SUN3: variants seen among roughly 807,000 people sequenced by gnomAD.
SUN3 encodes Sad1 and UNC84 domain containing 3, also known as SUN domain-containing protein 3.
SUN3 carries 36 observed loss-of-function variants against 48.2 expected under a neutral mutation model. The ratio of observed to expected loss-of-function variants is 0.75; its 90% CI spans 0.57 to 0.99. The LOEUF (loss-of-function observed/expected upper bound fraction) is 0.99, where lower values mean the gene tolerates loss of function less well. Among genes scored for constraint, SUN3 ranks in the 50% least tolerant of loss-of-function variants. The probability of loss-of-function intolerance (pLI) is 0.00; values close to 1 mark genes in which losing one functional copy is unlikely to be tolerated. For missense variants in SUN3, 419 were observed against 433.1 expected (o/e 0.97, Z 0.29); for synonymous variants, 148 against 147.9 (o/e 1.00, Z 0.00).
intron 6 of SUN3, among the ~76,000 whole-genome samples, chr7:48,003,165 TGAATAG>T (rs550407400): frequency 1.1e-3 from 164 of 152,344 alleles, no homozygotes; most frequent in Non-Finnish European, 1.9e-3. Context: ...CACCATTTAT[TGAATAG>T]GAATACTTTC....
At chr7:48,019,054 G>A (rs558476936) in intron 2 of SUN3, among the ~76,000 whole-genome samples, 29 of 152,246 alleles carry the variant, frequency 1.9e-4, no homozygotes, top group African/African-American at 6.7e-4. Context: ...CTTACTAGAA[G>A]GGCTCAACAG....
intron 8 of SUN3, among the ~76,000 whole-genome samples, chr7:47,992,402 A>G (rs542862896): frequency 1.3e-5 from 2 of 152,324 alleles, no homozygotes; most frequent in Admixed American, 6.5e-5. Context: ...AGAAAAAAAT[A>G]TAGGCTCTAA....
chr7:48,035,726 G>A, the SUN3 span: 5 of 587,180 alleles, frequency 8.5e-6, no homozygotes, highest in Non-Finnish European at 3.0e-6. The surrounding 1 kb of genome is among the most constrained non-coding windows in gnomAD (Gnocchi z 4.0). Flanking sequence ...GTGCGCGCCG[G>A]GGCTGGAGGG....
At chr7:48,010,088 GAC>G (rs919574646) in intron 3 of SUN3, among the ~76,000 whole-genome samples, 3 of 151,644 alleles carry the variant, frequency 2.0e-5, no homozygotes, top group African/African-American at 4.9e-5. Context: ...CCCAGCATGA[GAC>G]ACACACACAC....
intron 3 of SUN3, among the ~76,000 whole-genome samples, chr7:48,013,058 A>G (rs955181585): frequency 6.6e-6 from 1 of 152,212 alleles, no homozygotes; most frequent in Admixed American, 6.5e-5. Context: ...AGCAGCATAA[A>G]TGGATTAAGA....
At chr7:47,996,736 A>C (rs1483315626) in intron 6 of SUN3, among the ~76,000 whole-genome samples, 1 of 151,994 alleles carries the variant, frequency 6.6e-6, no homozygotes, top group Non-Finnish European at 1.5e-5. Context: ...TTTGCATAAC[A>C]CACCACAACA....
At chr7:48,013,609 G>A (rs1789736971) in intron 3 of SUN3, among the ~76,000 whole-genome samples, 1 of 152,116 alleles carries the variant, frequency 6.6e-6, no homozygotes, top group Non-Finnish European at 1.5e-5. Flanking sequence ...CAATCCAATT[G>A]TTTAGAAATA....
Position 48,006,039 on chromosome 7 carries a change from C to T in SUN3, c.507G>A (p.Leu169=), listed in dbSNP as rs778429091. 2 of 1,606,698 alleles carry T rather than the reference C, an allele frequency of 1.2e-6. No individual in the cohort carries two copies. Among genetic ancestry groups the T allele is most frequent in the South Asian group, 2.2e-5 (2 of 90,036 alleles). ...DPDHTEEVSN[L]VNYVLKKLRE... ...TCAACTTTTTAAGTACATAATTGAC[C>T]AAGTTTGACACTTCCTGTAGAAATT... is the stretch of plus-strand genomic sequence containing the variant. Residue 169 remains leucine (L), a synonymous_variant, in exon 6 of 10, where the codon TTG becomes TTA. Transcript: ENST00000297325.
At position 48,028,969 on chromosome 7, in the gene SUN3, G is replaced by A; in HGVS notation, c.-31C>T. On this transcript the variant is annotated 5_prime_UTR_variant, in exon 1 of 10. Transcript: ENST00000297325. ...CCTACCAAAGAACAAACAGCTGGTAGGATGAAGAGCAACATTTGTCCTCAT... is the reference window on the plus strand; with the variant it reads ...CCTACCAAAGAACAAACAGCTGGTAAGATGAAGAGCAACATTTGTCCTCAT... The A allele has an allele frequency of 6.2e-7, 1 of 1,613,130 alleles. No individual in the cohort carries two copies. The highest frequency in any genetic ancestry group is 8.5e-7 in the Non-Finnish European group (1 of 1,179,560).
At chr7:47,988,613 C>CT (rs1222439429) in intron 9 of SUN3, among the ~76,000 whole-genome samples, 175 bp downstream of exon 9, 2 of 152,198 alleles carry the variant, frequency 1.3e-5, no homozygotes, top group Non-Finnish European at 2.9e-5. Flanking sequence ...ATTTGTCTGT[C>CT]TTTTGCATTA....
At chr7:48,029,900 C>T (rs984342874), upstream of SUN3, among the ~76,000 whole-genome samples, 4 of 151,990 alleles carry the variant, frequency 2.6e-5, no homozygotes, top group African/African-American at 4.8e-5. Flanking sequence ...GGCAATTTCT[C>T]GCGTAGTTTT....
At position 48,004,650 on chromosome 7, in the gene SUN3, C is replaced by G. The variant is rs147228844; in HGVS notation, c.577+1319G>C. 2.0e-5 allele frequency among the ~76,000 whole-genome samples: 3 copies of G among 152,388 alleles called. No homozygotes were observed. The East Asian group carries it at 5.8e-4, about 29-fold the overall frequency. The stretch of plus-strand genomic sequence containing the variant: ...CTTCCAGGCTTTCTGCCCACACTCT[C>G]TGGCCCACAGGACTACTTTATTCTG... On this transcript the variant is annotated intron_variant, in intron 6 of 9. Coordinates refer to ENST00000297325, the MANE Select transcript of SUN3 (RefSeq NM_001030019.2).
intron 8 of SUN3, among the ~76,000 whole-genome samples, chr7:47,991,478 G>C (rs1789056831): frequency 6.6e-6 from 1 of 152,124 alleles, no homozygotes; most frequent in Non-Finnish European, 1.5e-5. Flanking sequence ...GGAATGTAGA[G>C]GCATTTGGGT....
At chr7:47,996,277 G>A in intron 6 of SUN3, 131 bp from the exon 7 acceptor site, 1 of 535,526 alleles carries the variant, frequency 1.9e-6, no homozygotes, top group Non-Finnish European at 3.3e-6. Context: ...TTCATACTCA[G>A]GAATTGATAG....
upstream of SUN3, among the ~76,000 whole-genome samples, chr7:48,031,268 G>A (rs977350201): frequency 1.3e-5 from 2 of 152,218 alleles, no homozygotes; most frequent in African/African-American, 4.8e-5. Context: ...ATTGCCAACA[G>A]GCATGTGAAA....
rs759875768 is a variant in SUN3, at chr7:48,028,942, C to T, written c.-4G>A. 6.2e-7 allele frequency: 1 copy of T among 1,613,776 alleles called. No individual in the cohort carries two copies. Among genetic ancestry groups the T allele is most frequent in the East Asian group, 2.2e-5 (1 of 44,880 alleles). On this transcript the variant is annotated 5_prime_UTR_variant, in exon 1 of 10. Coordinates refer to ENST00000297325, the MANE Select transcript of SUN3 (RefSeq NM_001030019.2). ...TTGCCTTTGTTTTTCCACTCATGAT[C>T]CCCTACCAAAGAACAAACAGCTGGT...
chr7:47,998,372 T>C (rs1160196466), intron 6 of SUN3, among the ~76,000 whole-genome samples: 1 of 152,244 alleles, frequency 6.6e-6, no homozygotes, highest in African/African-American at 2.4e-5. Context: ...TCTTCTTTAA[T>C]GAAGTGTCTT....
Position 48,001,538 on chromosome 7 carries a change from T to TG in SUN3, c.577+4430_577+4431insC, listed in dbSNP as rs1256772559. Among the ~76,000 whole-genome samples the TG allele has an allele frequency of 1.2e-3, 167 of 143,608 alleles. 1 individual carries two copies. Among genetic ancestry groups the TG allele is most frequent in the African/African-American group, 3.8e-3 (148 of 38,598 alleles). 94.2% of individuals were successfully genotyped at this position (143,608 alleles called of 152,430 possible). A position where few individuals can be genotyped will look rare whatever the true frequency, so the allele number is the denominator to read the frequency against. On this transcript the variant is annotated intron_variant, in intron 6 of 9. Coordinates refer to ENST00000297325, the MANE Select transcript of SUN3 (RefSeq NM_001030019.2). ...GTCTTTTCTGTTTTTTTTGTTTTTTTTTTTTTTTTTTTTGAGACAGAGTCT... is the reference window on the plus strand; with the variant it reads ...GTCTTTTCTGTTTTTTTTGTTTTTTTGTTTTTTTTTTTTTGAGACAGAGTCT...
intron 8 of SUN3, among the ~76,000 whole-genome samples, chr7:47,993,270 C>T (rs1220159292): frequency 6.6e-6 from 1 of 152,176 alleles, no homozygotes; most frequent in Non-Finnish European, 1.5e-5. Flanking sequence ...GTTAAACCTA[C>T]ATTTACCATG....
Sources: allele counts gnomAD v4.1 joint callset (sites outside exome capture counted in the v4.1 genomes callset), GRCh38; gene constraint gnomAD v4.1.1; non-coding constraint Gnocchi (gnomAD v3.1); transcripts MANE v1.5; gene names NCBI Gene and HGNC (gene_info 2026-07-23, HGNC 2026-07-21).